The following ITFG1 variants were observed in gnomAD, a reference collection of about 807,000 sequenced individuals.
ITFG1 encodes T-cell immunomodulatory protein.
ITFG1 carries 34 observed loss-of-function variants against 81.8 expected under a neutral mutation model. The observed-to-expected ratio is 0.42, with a 90% CI of 0.32 to 0.55. The LOEUF is 0.55. Ranked by LOEUF, ITFG1 falls within the 20% of genes least tolerant of loss-of-function variation. The pLI, the probability that ITFG1 is intolerant of heterozygous loss-of-function variation, is 0.17. For synonymous variants in ITFG1, 285 were observed against 270.6 expected (o/e 1.05, Z -0.52); for missense variants, 672 against 755.4 (o/e 0.89, Z 1.29).
intron 14 of ITFG1, among the ~76,000 whole-genome samples, chr16:47,189,031 TG>T (rs1965260951): frequency 6.6e-6 from 1 of 152,226 alleles, no homozygotes; most frequent in South Asian, 2.1e-4. Flanking sequence ...TCTAAAGTGC[TG>T]GGATTACAGG....
intron 10 of ITFG1, among the ~76,000 whole-genome samples, chr16:47,306,498 T>C (rs970373154): frequency 2.0e-5 from 3 of 152,090 alleles, no homozygotes; most frequent in Non-Finnish European, 4.4e-5. Flanking sequence ...TCTGTGTATA[T>C]GCAAGATTTT....
chr16:47,442,011 TCA>T (rs1455210099), intron 5 of ITFG1, among the ~76,000 whole-genome samples: 1 of 152,230 alleles, frequency 6.6e-6, no homozygotes, highest in East Asian at 1.9e-4. Context: ...TGTGCAAAAA[TCA>T]CAAGCATTCT....
At chr16:47,264,696 A>G (rs1001738821) in intron 10 of ITFG1, among the ~76,000 whole-genome samples, 6 of 152,128 alleles carry the variant, frequency 3.9e-5, no homozygotes, top group African/African-American at 1.4e-4. Context: ...AGTTAAACCT[A>G]AATGGTCTCT....
At chr16:47,431,079 A>G (rs1969090098) in intron 5 of ITFG1, among the ~76,000 whole-genome samples, 1 of 152,266 alleles carries the variant, frequency 6.6e-6, no homozygotes, top group Non-Finnish European at 1.5e-5. Flanking sequence ...GGCAGAAACA[A>G]AAGGTTACGT....
intron 2 of ITFG1, among the ~76,000 whole-genome samples, chr16:47,455,638 G>A (rs372579326): frequency 4.0e-5 from 6 of 151,390 alleles, no homozygotes; most frequent in East Asian, 1.9e-4. Flanking sequence ...GCGTGGTGGC[G>A]TGCATCTCTA....
At chr16:47,418,367 G>A (rs1286628898) in intron 6 of ITFG1, among the ~76,000 whole-genome samples, 1 of 152,042 alleles carries the variant, frequency 6.6e-6, no homozygotes, top group East Asian at 1.9e-4. Context: ...AGGTGCAGAA[G>A]CTTTTTAGCA....
intron 14 of ITFG1, among the ~76,000 whole-genome samples, chr16:47,203,374 T>C (rs1965451600): frequency 6.6e-6 from 1 of 152,198 alleles, no homozygotes; most frequent in Non-Finnish European, 1.5e-5. Context: ...GGGATGGTTT[T>C]GGGATGATTC....
chr16:47,280,283 T>C (rs1442920766), intron 10 of ITFG1, among the ~76,000 whole-genome samples: 1 of 152,166 alleles, frequency 6.6e-6, no homozygotes, highest in Non-Finnish European at 1.5e-5. Context: ...GTTGATGACG[T>C]TCCCTTGTAT....
Position 47,154,742 on chromosome 16 carries a change from T to C in ITFG1, c.*977A>G, listed in dbSNP as rs967241814. 3 of 152,234 alleles carry C rather than the reference T, an allele frequency of 2.0e-5. No homozygotes were observed. The highest frequency in any genetic ancestry group is 7.2e-5 in the African/African-American group (3 of 41,468). The allele number at this position is 152,234 out of a possible 1,614,324, so 9.4% of individuals were successfully genotyped here. On this transcript the variant is annotated 3_prime_UTR_variant, in exon 18 of 18. Coordinates refer to ENST00000320640, the MANE Select transcript of ITFG1 (RefSeq NM_030790.5). The stretch of plus-strand genomic sequence containing the variant: ...TTCCCAGATGCTGCCTACAGCAGTT[T>C]CCTTTCAAGAAATCAAATGTTCTTC...
At chr16:47,196,164 T>C (rs1385030360) in intron 14 of ITFG1, 2 of 152,140 alleles carry the variant, frequency 1.3e-5, no homozygotes, top group Non-Finnish European at 2.9e-5. Flanking sequence ...TCTTTGTCTT[T>C]GCTCTTCTGC....
intron 10 of ITFG1, among the ~76,000 whole-genome samples, chr16:47,262,092 G>A (rs1030591365): frequency 6.6e-6 from 1 of 152,216 alleles, no homozygotes; most frequent in African/African-American, 2.4e-5. Flanking sequence ...GTTTAACACA[G>A]AATAGAAACC....
At chr16:47,285,648 T>C (rs1966866930) in intron 10 of ITFG1, among the ~76,000 whole-genome samples, 1 of 152,140 alleles carries the variant, frequency 6.6e-6, no homozygotes, top group African/African-American at 2.4e-5. Context: ...TGTCTGCTGC[T>C]TTGTGTGTGG....
intron 14 of ITFG1, among the ~76,000 whole-genome samples, chr16:47,204,946 GC>G: frequency 6.6e-6 from 1 of 152,292 alleles, no homozygotes; most frequent in Middle Eastern, 3.4e-3. Context: ...CCAGCACTTT[GC>G]TAAACTATCA....
intron 8 of ITFG1, among the ~76,000 whole-genome samples, chr16:47,355,683 A>C (rs1160697390): frequency 6.6e-6 from 1 of 152,296 alleles, no homozygotes; most frequent in Admixed American, 6.5e-5. Context: ...ATTTACAAAA[A>C]CCTACAAAAA....
At chr16:47,418,017 T>C (rs1424941519) in intron 6 of ITFG1, among the ~76,000 whole-genome samples, 5 of 152,228 alleles carry the variant, frequency 3.3e-5, no homozygotes, top group African/African-American at 1.2e-4. Flanking sequence ...TTCTCATTTC[T>C]CTGCATCCTC....
chr16:47,251,948 G>T (rs1407833988), intron 12 of ITFG1, among the ~76,000 whole-genome samples: 1 of 152,226 alleles, frequency 6.6e-6, no homozygotes, highest in Non-Finnish European at 1.5e-5. Flanking sequence ...CTGTGGATAA[G>T]TGGGGACTAC....
At chr16:47,392,826 C>T (rs938610464) in intron 6 of ITFG1, among the ~76,000 whole-genome samples, 4 of 152,160 alleles carry the variant, frequency 2.6e-5, no homozygotes, top group Non-Finnish European at 5.9e-5. Context: ...TGACACTGGT[C>T]TCACAAAATT....
At chr16:47,358,107 A>T (rs930140385) in intron 8 of ITFG1, among the ~76,000 whole-genome samples, 17 of 152,228 alleles carry the variant, frequency 1.1e-4, no homozygotes, top group African/African-American at 3.9e-4. Flanking sequence ...TTGAAAGAGT[A>T]TTGCAAATAT....
chr16:47,267,829 G>A (rs1461435556), intron 10 of ITFG1, among the ~76,000 whole-genome samples: 1 of 151,898 alleles, frequency 6.6e-6, no homozygotes, highest in East Asian at 1.9e-4. Context: ...AGAAAAATTC[G>A]AAAGTACTTT....
Sources: allele counts gnomAD v4.1 joint callset (sites outside exome capture counted in the v4.1 genomes callset), GRCh38; gene constraint gnomAD v4.1.1; transcripts MANE v1.5; gene names NCBI Gene and HGNC (gene_info 2026-07-23, HGNC 2026-07-21).